The following DOCK2 variants were observed in gnomAD, a reference collection of about 807,000 sequenced individuals.
The protein encoded by DOCK2 is dedicator of cytokinesis protein 2.
DOCK2 carries 87 observed loss-of-function variants against 248.9 expected under a neutral mutation model. The observed-to-expected ratio is 0.35, with a 90% CI of 0.29 to 0.42. The LOEUF (loss-of-function observed/expected upper bound fraction) is 0.42, where lower values mean the gene tolerates loss of function less well. Ranked by LOEUF, DOCK2 falls within the 10% of genes least tolerant of loss-of-function variation. The pLI, the probability that DOCK2 is intolerant of heterozygous loss-of-function variation, is 1.00. For synonymous variants in DOCK2, 805 were observed against 821.6 expected, an observed-to-expected ratio of 0.98 and a Z score of 0.35; for missense variants, 1,747 against 2,300.2, an observed-to-expected ratio of 0.76 and a Z score of 4.92.
At chr5:169,985,755 A>C in intron 28 of DOCK2, 73 bp from the exon 29 acceptor site, 1 of 1,307,838 alleles carries the variant, frequency 7.6e-7, no homozygotes, top group Non-Finnish European at 1.0e-6. Context: ...AATAGCAAAA[A>C]AATTTGAAGA....
At position 169,711,924 on chromosome 5, in the gene DOCK2, T is replaced by C. The variant is rs764053525; in HGVS notation, c.1483-11T>C. ...CTCATTGTGTTCTGAGCTCTGTTTC[T>C]GTCTGCTGAGGTGGCTGTCCCTATT... On this transcript the variant is annotated splice_polypyrimidine_tract_variant and intron_variant, in intron 15 of 51. Transcript: ENST00000520908. The C allele has an allele frequency of 6.2e-7, 1 of 1,613,786 alleles. No homozygotes were observed. The highest frequency in any genetic ancestry group is 2.2e-5 in the East Asian group (1 of 44,862).
chr5:169,782,317 C>G (rs1023244877), intron 25 of DOCK2, among the ~76,000 whole-genome samples: 2 of 152,026 alleles, frequency 1.3e-5, no homozygotes, highest in African/African-American at 4.8e-5. Flanking sequence ...GTTTGGGGTA[C>G]AAGCAGGAGA....
intron 21 of DOCK2, among the ~76,000 whole-genome samples, chr5:169,717,980 T>C (rs1490581205): frequency 6.6e-6 from 1 of 152,200 alleles, no homozygotes; most frequent in Non-Finnish European, 1.5e-5. Flanking sequence ...GAGAATCACT[T>C]GAACCCTGGA....
chr5:169,708,457 T>G (rs1761397812), intron 15 of DOCK2, among the ~76,000 whole-genome samples, 190 bp downstream of exon 15: 1 of 152,182 alleles, frequency 6.6e-6, no homozygotes, highest in Non-Finnish European at 1.5e-5. Flanking sequence ...ACGACCACGC[T>G]GCTAGGAAAT....
chr5:169,759,210 T>G (rs1764347348), intron 23 of DOCK2, among the ~76,000 whole-genome samples: 1 of 152,198 alleles, frequency 6.6e-6, no homozygotes, highest in South Asian at 2.1e-4. Context: ...ATGAATAACT[T>G]GTCACCAGCA....
At chr5:170,004,404 T>C (rs1754944943) in intron 30 of DOCK2, among the ~76,000 whole-genome samples, 1 of 152,220 alleles carries the variant, frequency 6.6e-6, no homozygotes. Context: ...GTGGTTTTGA[T>C]TTGCATTTCT....
chr5:169,940,227 G>A (rs1027481307), intron 27 of DOCK2, among the ~76,000 whole-genome samples: 2 of 152,176 alleles, frequency 1.3e-5, no homozygotes, highest in African/African-American at 2.4e-5. Flanking sequence ...CTGAGAAGTT[G>A]GTGGTCTTTA....
intron 27 of DOCK2, among the ~76,000 whole-genome samples, chr5:169,876,131 C>T (rs1175410461): frequency 1.3e-5 from 2 of 152,186 alleles, no homozygotes; most frequent in East Asian, 3.9e-4. Flanking sequence ...GGCGTCACAT[C>T]TCCTTCTCTG....
chr5:169,690,556 GC>G (rs1760238517), intron 9 of DOCK2, among the ~76,000 whole-genome samples: 2 of 152,182 alleles, frequency 1.3e-5, no homozygotes, highest in African/African-American at 4.8e-5. Flanking sequence ...AATTGCTTAG[GC>G]AAAGTTTTCT....
chr5:169,913,854 A>G (rs421237), intron 27 of DOCK2, among the ~76,000 whole-genome samples: 1 of 152,170 alleles, frequency 6.6e-6, no homozygotes, highest in African/African-American at 2.4e-5. Context: ...AACTTTTTGT[A>G]TACTGAGCAA....
chr5:169,707,463 G>T (rs1288862903), intron 14 of DOCK2, among the ~76,000 whole-genome samples: 1 of 152,180 alleles, frequency 6.6e-6, no homozygotes, highest in Non-Finnish European at 1.5e-5. Context: ...CAACAGTAGT[G>T]TGTACACATG....
At chr5:170,074,573 C>G (rs776418372) in intron 46 of DOCK2, among the ~76,000 whole-genome samples, 1 of 152,184 alleles carries the variant, frequency 6.6e-6, no homozygotes, top group Non-Finnish European at 1.5e-5. Context: ...ATAATCCCAG[C>G]TGCTACTCTG....
intron 6 of DOCK2, among the ~76,000 whole-genome samples, chr5:169,677,208 A>G (rs561365168): frequency 6.6e-6 from 1 of 152,352 alleles, no homozygotes; most frequent in South Asian, 2.1e-4. Context: ...TCCTACAGCT[A>G]CAAGAAAAAC....
intron 26 of DOCK2, among the ~76,000 whole-genome samples, chr5:169,824,459 A>C (rs900014136): frequency 6.6e-6 from 1 of 152,230 alleles, no homozygotes; most frequent in Non-Finnish European, 1.5e-5. Context: ...AGCCCTCAGA[A>C]ATAATACCAC....
intron 19 of DOCK2, 99 bp from the exon 20 acceptor site, chr5:169,716,114 G>A (rs1481592426): frequency 1.3e-5 from 14 of 1,063,556 alleles, no homozygotes; most frequent in Non-Finnish European, 2.0e-5. Context: ...TGGTGGATGT[G>A]TGCTCTCATT....
rs1768797312 is a variant in DOCK2, at chr5:169,825,641, A to G, written c.2704-15116A>G. Among the ~76,000 whole-genome samples the G allele has an allele frequency of 2.0e-5, 3 of 149,336 alleles. No individual in the cohort carries two copies. The South Asian group carries it at 6.5e-4, about 32-fold the overall frequency. ...GTTGTGGGGTGGGGGGAGGGGGGAG[A>G]GATAGCATTAGGAGAAATACCTAAT... On this transcript the variant is annotated intron_variant, in intron 26 of 51. Transcript: ENST00000520908.
At chr5:169,785,208 T>G (rs1765921329) in intron 25 of DOCK2, among the ~76,000 whole-genome samples, 1 of 152,220 alleles carries the variant, frequency 6.6e-6, no homozygotes, top group Non-Finnish European at 1.5e-5. Context: ...GGTAGTTTTG[T>G]TTATATTTTA....
At chr5:169,983,038 A>G (rs755165028) in intron 27 of DOCK2, 30 bp from the exon 28 acceptor site, 1 of 1,610,698 alleles carries the variant, frequency 6.2e-7, no homozygotes, top group Non-Finnish European at 8.5e-7. Flanking sequence ...TCTCTCAACT[A>G]TTTATAGTAT....
chr5:169,727,305 A>G (rs903022540), intron 22 of DOCK2, among the ~76,000 whole-genome samples: 1 of 152,234 alleles, frequency 6.6e-6, no homozygotes, highest in African/African-American at 2.4e-5. Flanking sequence ...ATTATATAAA[A>G]GAGAAAATGA....
Sources: allele counts gnomAD v4.1 joint callset (sites outside exome capture counted in the v4.1 genomes callset), GRCh38; gene constraint gnomAD v4.1.1; transcripts MANE v1.5; gene names NCBI Gene and HGNC (gene_info 2026-07-23, HGNC 2026-07-21).